NTNG2: variants seen among roughly 807,000 people sequenced by gnomAD.
NTNG2 encodes netrin-G2.
NTNG2 carries 15 observed loss-of-function variants against 47.6 expected under a neutral mutation model. That is an observed-to-expected ratio of 0.32 (90% CI 0.21 to 0.49). NTNG2 has a LOEUF of 0.49. Among genes scored for constraint, NTNG2 ranks in the 20% least tolerant of loss-of-function variants. The probability of loss-of-function intolerance (pLI) is 0.99; values close to 1 mark genes in which losing one functional copy is unlikely to be tolerated. For synonymous variants in NTNG2, 307 were observed against 324.6 expected, an observed-to-expected ratio of 0.95 and a Z score of 0.58; for missense variants, 578 against 764.6, an observed-to-expected ratio of 0.76 and a Z score of 2.88.
At chr9:132,219,324 G>A (rs1840197125) in intron 3 of NTNG2, among the ~76,000 whole-genome samples, 1 of 152,092 alleles carries the variant, frequency 6.6e-6, no homozygotes, top group Admixed American at 6.5e-5. Flanking sequence ...TATAATCCCA[G>A]CACTTTGGGA....
Position 132,180,601 on chromosome 9 carries a change from G to T in NTNG2, c.213+13557G>T, listed in dbSNP as rs1293607893. ...CGGGCAAGTCTCTTCCCATTTCGGGGTATAGACTTCCTGCCTGTAAAATGA... is the reference window on the plus strand; with the variant it reads ...CGGGCAAGTCTCTTCCCATTTCGGGTTATAGACTTCCTGCCTGTAAAATGA... On this transcript the variant is annotated intron_variant, in intron 2 of 7. Coordinates refer to ENST00000393229, the MANE Select transcript of NTNG2 (RefSeq NM_032536.4). The surrounding 1 kb of genome is among the most constrained non-coding windows in gnomAD (Gnocchi z 4.2). Among the ~76,000 whole-genome samples, 1 of 152,218 alleles carries T rather than the reference G, an allele frequency of 6.6e-6. No individual in the cohort carries two copies. Among genetic ancestry groups the T allele is most frequent in the Non-Finnish European group, 1.5e-5 (1 of 68,048 alleles).
At chr9:132,241,829 G>A in intron 7 of NTNG2, 47 bp from the exon 8 acceptor site, 2 of 1,384,900 alleles carry the variant, frequency 1.4e-6, no homozygotes, top group South Asian at 1.3e-5. Flanking sequence ...GGAGGTTGGC[G>A]GGGGGACCGG....
chr9:132,241,276 C>T (rs944009596), intron 7 of NTNG2, among the ~76,000 whole-genome samples: 6 of 142,352 alleles, frequency 4.2e-5, no homozygotes, highest in Admixed American at 6.9e-5. Context: ...GAGAGCGGGG[C>T]AGGGTTGGGA....
At chr9:132,165,590 G>C (rs1290176370) in intron 1 of NTNG2, among the ~76,000 whole-genome samples, 1 of 152,176 alleles carries the variant, frequency 6.6e-6, no homozygotes, top group Non-Finnish European at 1.5e-5. Flanking sequence ...CCAGCACGTG[G>C]AGCACTCTGT....
At chr9:132,164,800 A>G (rs1335197896) in intron 1 of NTNG2, among the ~76,000 whole-genome samples, 1 of 152,192 alleles carries the variant, frequency 6.6e-6, no homozygotes, top group Non-Finnish European at 1.5e-5. Flanking sequence ...AGAGAGGGGC[A>G]GGGGTCGCCC....
rs1015534199 is a variant in NTNG2, at chr9:132,188,034, G to A, written c.214-9932G>A. On this transcript the variant is annotated intron_variant, in intron 2 of 7. Coordinates refer to ENST00000393229, the MANE Select transcript of NTNG2 (RefSeq NM_032536.4). Reference sequence around the variant, plus strand: ...TAATTCCATGGCCCCACGGGTCAGGGCACCTATTGATTTATGCACCTGCCC... The same window carrying A: ...TAATTCCATGGCCCCACGGGTCAGGACACCTATTGATTTATGCACCTGCCC... Among the ~76,000 whole-genome samples the A allele has an allele frequency of 2.0e-5, 3 of 152,362 alleles. No homozygotes were observed. In the South Asian group the frequency reaches 6.2e-4, roughly 32 times the overall value.
chr9:132,198,302 G>A lies in NTNG2; in HGVS notation c.550G>A (p.Asp184Asn), dbSNP rs759943164. 8.1e-6 allele frequency: 13 copies of A among 1,612,850 alleles called. No homozygotes were observed. Among genetic ancestry groups the A allele is most frequent in the South Asian group, 2.2e-5 (2 of 91,066 alleles). The change falls in exon 3 of 8, where the codon GAC (aspartate) becomes AAC (asparagine). Residue 184 changes from aspartate (D) to asparagine (N), a missense_variant. Transcript: ENST00000393229. ...AFGMSARRAR[D>N]MSSSSAHRVL... ...CGGTATGTCCGCCCGCCGGGCCCGC[G>A]ACATGTCATCCTCCAGCGCGCACCG...
At chr9:132,240,025 C>T (rs771476804) in intron 6 of NTNG2, among the ~76,000 whole-genome samples, 5 of 152,242 alleles carry the variant, frequency 3.3e-5, no homozygotes, top group Non-Finnish European at 5.9e-5. Flanking sequence ...CCAACCAAAA[C>T]GCACCAGCCT....
intron 2 of NTNG2, among the ~76,000 whole-genome samples, chr9:132,171,655 C>A (rs1031733748): frequency 1.3e-5 from 2 of 152,232 alleles, no homozygotes; most frequent in Admixed American, 1.3e-4. Flanking sequence ...ATTCCTCCCC[C>A]AGGGGGTCTG....
At position 132,221,721 on chromosome 9, in the gene NTNG2, A is replaced by ACGTCT. The variant is rs984201318; in HGVS notation, c.858-5127_858-5123dup. On this transcript the variant is annotated intron_variant, in intron 3 of 7. Coordinates refer to ENST00000393229, the MANE Select transcript of NTNG2 (RefSeq NM_032536.4). This position sits in a 1 kb window ranked among gnomAD's most constrained non-coding sequence, Gnocchi z 4.2. ...CCTGGGCAGAGCCAGCTGGGGAGGGACGTCTGGATTTGGGTCAGGAGAAAC... is the reference window on the plus strand; with the variant it reads ...CCTGGGCAGAGCCAGCTGGGGAGGGACGTCTCGTCTGGATTTGGGTCAGGAGAAAC... 2.6e-5 allele frequency among the ~76,000 whole-genome samples: 4 copies of ACGTCT among 152,110 alleles called. No individual in the cohort carries two copies. The highest frequency in any genetic ancestry group is 9.7e-5 in the African/African-American group (4 of 41,406).
In NTNG2 at chr9:132,163,171, G is replaced by T. The variant is rs1440388676; in HGVS notation, c.-484+932G>T. On this transcript the variant is annotated intron_variant, in intron 1 of 7. Coordinates refer to ENST00000393229, the MANE Select transcript of NTNG2 (RefSeq NM_032536.4). The surrounding 1 kb of genome is among the most constrained non-coding windows in gnomAD (Gnocchi z 7.2). ...TAATTATTAATTGCTGCCGTGGCTT[G>T]CACGCAACTTTGGGAAGACGAAAAG... Among the ~76,000 whole-genome samples the T allele has an allele frequency of 1.3e-5, 2 of 152,180 alleles. No individual in the cohort carries two copies. The highest frequency in any genetic ancestry group is 2.9e-5 in the Non-Finnish European group (2 of 68,010).
At chr9:132,213,414 C>T (rs988044250) in intron 3 of NTNG2, among the ~76,000 whole-genome samples, 8 of 151,912 alleles carry the variant, frequency 5.3e-5, no homozygotes, top group Admixed American at 1.3e-4. Context: ...GGCCGTCCAT[C>T]GTCCATCCAT....
In NTNG2 at chr9:132,201,836, C is replaced by T. The variant is rs912735868; in HGVS notation, c.857+3227C>T. Among the ~76,000 whole-genome samples, 6 of 152,198 alleles carry T rather than the reference C, an allele frequency of 3.9e-5. 1 individual carries two copies. Among genetic ancestry groups the T allele is most frequent in the East Asian group, 1.9e-4 (1 of 5,198 alleles). The stretch of plus-strand genomic sequence containing the variant: ...GCTCAGATCCCACAAGCCAAAGACA[C>T]GGCACTGAGCAAGCCAGACCTGATC... On this transcript the variant is annotated intron_variant, in intron 3 of 7. Coordinates refer to ENST00000393229, the MANE Select transcript of NTNG2 (RefSeq NM_032536.4).
At position 132,242,267 on chromosome 9, in the gene NTNG2, C is replaced by T. The variant is rs1205533391; in HGVS notation, c.*156C>T. 20 of 210,160 alleles carry T rather than the reference C, an allele frequency of 9.5e-5. No individual in the cohort carries two copies. In the South Asian group the frequency reaches 1.4e-3, roughly 15 times the overall value. 13.0% of individuals were successfully genotyped at this position (210,160 alleles called of 1,614,324 possible). A position where few individuals can be genotyped will look rare whatever the true frequency, so the allele number is the denominator to read the frequency against. On this transcript the variant is annotated 3_prime_UTR_variant, in exon 8 of 8. Coordinates refer to ENST00000393229, the MANE Select transcript of NTNG2 (RefSeq NM_032536.4). The surrounding 1 kb of genome is among the most constrained non-coding windows in gnomAD (Gnocchi z 5.9). The stretch of plus-strand genomic sequence containing the variant: ...CCCCCGCCCGGCCCGCGCTCCCGCC[C>T]GCACTGCCCTCCCCCCGCAGCAGGG...
intron 2 of NTNG2, among the ~76,000 whole-genome samples, chr9:132,169,268 C>CT (rs1564379451): frequency 6.6e-6 from 1 of 152,270 alleles, no homozygotes; most frequent in East Asian, 1.9e-4. Context: ...TCCAGCTCTG[C>CT]TTTGATTACA....
At position 132,197,817 on chromosome 9, in the gene NTNG2, T is replaced by G; in HGVS notation, c.214-149T>G. ...CGCATTGAGGAAATGGGCACAAATC[T>G]CCCAGCTGTGTCTGGGCACCGGAGC... On this transcript the variant is annotated intron_variant, in intron 2 of 7. Coordinates refer to ENST00000393229, the MANE Select transcript of NTNG2 (RefSeq NM_032536.4). This position sits in a 1 kb window ranked among gnomAD's most constrained non-coding sequence, Gnocchi z 4.3. 1 of 713,966 alleles carries G rather than the reference T, an allele frequency of 1.4e-6. No individual in the cohort carries two copies. Among genetic ancestry groups the G allele is most frequent in the Non-Finnish European group, 2.3e-6 (1 of 439,976 alleles). 44.2% of individuals were successfully genotyped at this position (713,966 alleles called of 1,614,324 possible).
chr9:132,203,463 A>G (rs1838937183), intron 3 of NTNG2, among the ~76,000 whole-genome samples: 2 of 152,238 alleles, frequency 1.3e-5, no homozygotes, highest in South Asian at 4.2e-4. Flanking sequence ...AGAAATGGAG[A>G]CAGCAGGCGC....
intron 3 of NTNG2, among the ~76,000 whole-genome samples, chr9:132,199,770 C>T (rs116083242): frequency 0.016 from 2,501 of 152,282 alleles, 74 homozygotes; most frequent in African/African-American, 0.057. Context: ...GAAACCAGGC[C>T]GGAGTCAGAT....
chr9:132,180,271 A>G lies in NTNG2; in HGVS notation c.213+13227A>G, dbSNP rs1019116614. ...CGGGCAAAAGGTGAAGAAGAGACCA[A>G]TGAGAGATGAGCCCACGGTGCTCCT... On this transcript the variant is annotated intron_variant, in intron 2 of 7. Coordinates refer to ENST00000393229, the MANE Select transcript of NTNG2 (RefSeq NM_032536.4). This position sits in a 1 kb window ranked among gnomAD's most constrained non-coding sequence, Gnocchi z 4.2. Among the ~76,000 whole-genome samples, 7 of 152,248 alleles carry G rather than the reference A, an allele frequency of 4.6e-5. No individual in the cohort carries two copies. Among genetic ancestry groups the G allele is most frequent in the African/African-American group, 1.7e-4 (7 of 41,470 alleles).
Sources: allele counts gnomAD v4.1 joint callset (sites outside exome capture counted in the v4.1 genomes callset), GRCh38; gene constraint gnomAD v4.1.1; non-coding constraint Gnocchi (gnomAD v3.1); transcripts MANE v1.5; gene names NCBI Gene and HGNC (gene_info 2026-07-23, HGNC 2026-07-21).